ATP8A2: variants seen among roughly 807,000 people sequenced by gnomAD.
ATP8A2 encodes the protein phospholipid-transporting ATPase IB.
In ATP8A2, 100 loss-of-function variants were observed where a neutral mutation model predicts 165.6. The observed-to-expected ratio is 0.60, with a 90% CI of 0.51 to 0.71. The LOEUF (loss-of-function observed/expected upper bound fraction) is 0.71, where lower values mean the gene tolerates loss of function less well. ATP8A2 is among the 30% of genes least tolerant of loss of function. The pLI is 0.00. For missense variants in ATP8A2, 1,227 were observed against 1,479.5 expected (o/e 0.83, Z 2.80); for synonymous variants, 543 against 548.8 (o/e 0.99, Z 0.15).
At position 25,888,420 on chromosome 13, in the gene ATP8A2, G is replaced by A. The variant is rs148804360; in HGVS notation, c.3183+26012G>A. Among the ~76,000 whole-genome samples, 65 of 152,246 alleles carry A rather than the reference G, an allele frequency of 4.3e-4. No homozygotes were observed. In the South Asian group the frequency reaches 4.3e-3, roughly 10 times the overall value. ...AAGGGGACTTTCCTTTTTCTTCTGC[G>A]TCAAGTTCAGAAAAAGCTAAAAGCA... On this transcript the variant is annotated intron_variant, in intron 33 of 36. Transcript: ENST00000381655.
intron 30 of ATP8A2, among the ~76,000 whole-genome samples, chr13:25,852,486 T>C (rs1422722933): frequency 6.6e-6 from 1 of 152,234 alleles, no homozygotes; most frequent in Non-Finnish European, 1.5e-5. Context: ...CCTTATGTGG[T>C]ATAAAATTTC....
chr13:25,471,517 A>G (rs2035845964), intron 2 of ATP8A2, among the ~76,000 whole-genome samples: 3 of 152,114 alleles, frequency 2.0e-5, no homozygotes, highest in South Asian at 4.1e-4. Flanking sequence ...TAATTTTTGT[A>G]TTTTTAGTAG....
At position 25,750,470 on chromosome 13, in the gene ATP8A2, T is replaced by TC. The variant is rs2044130040; in HGVS notation, c.2385-18570dup. The stretch of plus-strand genomic sequence containing the variant: ...GAAGCAGCCTCCCTCCCCACAGCTA[T>TC]CCCCCCGATTCTGACTCCCACCTGC... On this transcript the variant is annotated intron_variant, in intron 25 of 36. Coordinates refer to ENST00000381655, the MANE Select transcript of ATP8A2 (RefSeq NM_016529.6). This position sits in a 1 kb window ranked among gnomAD's most constrained non-coding sequence, Gnocchi z 4.3. Among the ~76,000 whole-genome samples the TC allele has an allele frequency of 6.6e-6, 1 of 151,686 alleles. No homozygotes were observed. The highest frequency in any genetic ancestry group is 6.6e-5 in the Admixed American group (1 of 15,234).
chr13:25,510,567 T>A (rs1402708397), intron 2 of ATP8A2, among the ~76,000 whole-genome samples: 1 of 152,248 alleles, frequency 6.6e-6, no homozygotes, highest in East Asian at 1.9e-4. Context: ...TGTTGCACTC[T>A]GAGTGCTGTA....
At chr13:25,824,827 A>G (rs1951273356) in intron 27 of ATP8A2, among the ~76,000 whole-genome samples, 1 of 151,910 alleles carries the variant, frequency 6.6e-6, no homozygotes, top group Non-Finnish European at 1.5e-5. Context: ...GAAAAAAAGG[A>G]GGGAAAAAGC....
chr13:25,519,025 C>G (rs759421950), intron 2 of ATP8A2, among the ~76,000 whole-genome samples: 13 of 152,292 alleles, frequency 8.5e-5, no homozygotes, highest in Admixed American at 1.3e-4. Context: ...CCCTTTGCCA[C>G]GTTCATTTCA....
intron 27 of ATP8A2, among the ~76,000 whole-genome samples, chr13:25,798,392 A>T (rs913723896): frequency 6.6e-6 from 1 of 152,210 alleles, no homozygotes; most frequent in African/African-American, 2.4e-5. Flanking sequence ...GCACAGGAAC[A>T]TGATGGCATG....
At chr13:25,925,959 C>T (rs1462348312) in intron 33 of ATP8A2, among the ~76,000 whole-genome samples, 1 of 152,082 alleles carries the variant, frequency 6.6e-6, no homozygotes, top group Non-Finnish European at 1.5e-5. Flanking sequence ...CTCCTGACCT[C>T]AGGTGATTCA....
In ATP8A2 at chr13:25,559,696, ACT is replaced by A. The variant is rs766669854; in HGVS notation, c.1353-22_1353-21del. On this transcript the variant is annotated intron_variant, in intron 14 of 36. Transcript: ENST00000381655. Reference sequence around the variant, plus strand: ...GTCTTTTGATCACAGTTTTGTGACCACTCTGTTTTCCGTTTCTCTGGCAGTCA... The same window carrying A: ...GTCTTTTGATCACAGTTTTGTGACCACTGTTTTCCGTTTCTCTGGCAGTCA... 3 of 1,603,150 alleles carry A rather than the reference ACT, an allele frequency of 1.9e-6. No homozygotes were observed. In the East Asian group the frequency reaches 6.7e-5, roughly 36 times the overall value.
chr13:25,855,221 A>C (rs912074522), intron 30 of ATP8A2, among the ~76,000 whole-genome samples: 5 of 151,356 alleles, frequency 3.3e-5, no homozygotes, highest in African/African-American at 4.9e-5. Context: ...ATTGCACTCC[A>C]GCCTGGGCGA....
chr13:25,710,893 A>G (rs3132337), intron 25 of ATP8A2, among the ~76,000 whole-genome samples: 36,785 of 152,026 alleles, frequency 0.24, 6,684 homozygotes, highest in African/African-American at 0.51. Context: ...GCAAACACTA[A>G]CATCTACTAC....
chr13:25,543,140 A>C (rs1052895071), intron 9 of ATP8A2, 151 bp from the exon 10 acceptor site: 2 of 495,762 alleles, frequency 4.0e-6, no homozygotes, highest in African/African-American at 3.8e-5. Context: ...GATTAAGCCA[A>C]TGGTAACCTT....
chr13:25,767,544 A>G (rs1162218458), intron 25 of ATP8A2, among the ~76,000 whole-genome samples: 1 of 152,196 alleles, frequency 6.6e-6, no homozygotes, highest in Non-Finnish European at 1.5e-5. Flanking sequence ...CCTTCCATAT[A>G]TTTGTAAGAG....
chr13:25,882,935 ATGATGG>A (rs1183349584), intron 33 of ATP8A2, among the ~76,000 whole-genome samples: 60 of 145,748 alleles, frequency 4.1e-4, no homozygotes, highest in African/African-American at 1.0e-3. Context: ...GATGATGATG[ATGATGG>A]TGATGGTGAT....
At chr13:25,547,405 T>A (rs2038685660) in intron 10 of ATP8A2, among the ~76,000 whole-genome samples, 1 of 152,030 alleles carries the variant, frequency 6.6e-6, no homozygotes, top group Middle Eastern at 3.2e-3. Flanking sequence ...TAGATTCTCA[T>A]AGGAGCGTGA....
chr13:25,412,277 T>A (rs1408368553), intron 1 of ATP8A2, among the ~76,000 whole-genome samples: 2 of 151,974 alleles, frequency 1.3e-5, no homozygotes, highest in South Asian at 4.1e-4. Context: ...ATCTAATGAT[T>A]CCTGCAGGAT....
rs562927268 is a variant in ATP8A2 at position 25,891,252 on chromosome 13, G to A, written c.3183+28844G>A. ...GGGCAAAGTTACGCCACTCGAAAAC[G>A]ATCGTGTTGAAAGTGTGTCATATTC... On this transcript the variant is annotated intron_variant, in intron 33 of 36. Coordinates refer to ENST00000381655, the MANE Select transcript of ATP8A2 (RefSeq NM_016529.6). 1.6e-3 allele frequency among the ~76,000 whole-genome samples: 241 copies of A among 152,256 alleles called. 1 individual carries two copies. The highest frequency in any genetic ancestry group is 5.3e-3 in the African/African-American group (222 of 41,544).
At chr13:25,441,457 A>G (rs985176988) in intron 1 of ATP8A2, among the ~76,000 whole-genome samples, 4 of 152,198 alleles carry the variant, frequency 2.6e-5, no homozygotes, top group Non-Finnish European at 4.4e-5. Context: ...CCATGTCATG[A>G]GAGGAAGGTT....
At position 25,841,948 on chromosome 13, in the gene ATP8A2, A is replaced by G. The variant is rs543411831; in HGVS notation, c.2956+2324A>G. On this transcript the variant is annotated intron_variant, in intron 30 of 36. Coordinates refer to ENST00000381655, the MANE Select transcript of ATP8A2 (RefSeq NM_016529.6). ...AAGGAAGGAACCCATGCCAGTGACA[A>G]CAGCATTAATTTATTCATGAGGGTG... Among the ~76,000 whole-genome samples the G allele has an allele frequency of 4.6e-5, 7 of 152,242 alleles. No individual in the cohort carries two copies. The South Asian group carries it at 1.5e-3, about 32-fold the overall frequency.
Sources: allele counts gnomAD v4.1 joint callset (sites outside exome capture counted in the v4.1 genomes callset), GRCh38; gene constraint gnomAD v4.1.1; non-coding constraint Gnocchi (gnomAD v3.1); transcripts MANE v1.5; gene names NCBI Gene and HGNC (gene_info 2026-07-23, HGNC 2026-07-21).